The following TAF1A variants were observed in gnomAD, a reference collection of about 807,000 sequenced individuals.
The protein encoded by TAF1A is TATA-box binding protein associated factor, RNA polymerase I subunit A.
Under a neutral mutation model 61.6 loss-of-function variants are expected in TAF1A, and 42 were observed. The observed-to-expected ratio is 0.68, with a 90% CI of 0.53 to 0.88. The LOEUF is 0.88. TAF1A is among the 40% of genes least tolerant of loss of function. The probability of loss-of-function intolerance (pLI) is 0.00; values close to 1 mark genes in which losing one functional copy is unlikely to be tolerated. For missense variants in TAF1A, 424 were observed against 518.7 expected, an observed-to-expected ratio of 0.82 and a Z score of 1.77; for synonymous variants, 179 against 177.7, an observed-to-expected ratio of 1.01 and a Z score of -0.06.
At chr1:222,589,226 C>T (rs1661152988) in intron 1 of TAF1A, among the ~76,000 whole-genome samples, 1 of 152,142 alleles carries the variant, frequency 6.6e-6, no homozygotes, top group South Asian at 2.1e-4. Context: ...GCTCAGGGCC[C>T]CTTCCTCATT....
chr1:222,555,545 G>A (rs557373678), downstream of TAF1A, among the ~76,000 whole-genome samples: 1 of 152,302 alleles, frequency 6.6e-6, no homozygotes, highest in South Asian at 2.1e-4. Context: ...ATGGTTGCCA[G>A]GGGCTGAGGG....
At chr1:222,569,408 G>A in intron 7 of TAF1A, 102 bp downstream of exon 7, 2 of 1,603,542 alleles carry the variant, frequency 1.2e-6, no homozygotes, top group Non-Finnish European at 1.7e-6. Flanking sequence ...GTACATTATT[G>A]AAATTTTCTG....
Position 222,589,826 on chromosome 1 carries a change from A to T in TAF1A, c.-102T>A, listed in dbSNP as rs1661183782. ...GGAAGACGAGTTAGGAGAGCTTTAT[A>T]TGAGCAGGCGCTAAACCTGGTTTAG... On this transcript the variant is annotated 5_prime_UTR_variant, in exon 1 of 11. Coordinates refer to ENST00000352967, the MANE Select transcript of TAF1A (RefSeq NM_005681.4). 2.6e-6 allele frequency: 1 copy of T among 378,052 alleles called. No individual in the cohort carries two copies. The highest frequency in any genetic ancestry group is 4.5e-5 in the Admixed American group (1 of 22,088). 23.4% of individuals were successfully genotyped at this position (378,052 alleles called of 1,614,324 possible).
At chr1:222,581,439 C>T (rs1660786341) in intron 3 of TAF1A, among the ~76,000 whole-genome samples, 1 of 152,110 alleles carries the variant, frequency 6.6e-6, no homozygotes, top group Admixed American at 6.5e-5. Context: ...ATGAGACACT[C>T]ATGTCAAGTT....
intron 3 of TAF1A, among the ~76,000 whole-genome samples, chr1:222,580,976 C>A (rs953208297): frequency 6.6e-6 from 1 of 152,018 alleles, no homozygotes; most frequent in Non-Finnish European, 1.5e-5. Context: ...CACGGTGAAA[C>A]CCCGTCTCTA....
In TAF1A at chr1:222,563,202, C is replaced by G. The variant is rs1428928050; in HGVS notation, c.1056G>C (p.Leu352Phe). ...CTKNITAWKY[L>F]AKYLKNILMG... ...TTAAGATATTTTTCAGATATTTTGC[C>G]AAGTATTTCCAAGCAGTTATATTCT... Residue 352 changes from leucine to phenylalanine, a missense_variant, in exon 9 of 11, where the codon TTG becomes TTC. Physicochemically the swap from Leu to Phe is conservative, Grantham distance 22 (BLOSUM62 0). Transcript: ENST00000352967. 6.2e-7 allele frequency: 1 copy of G among 1,611,850 alleles called. No individual in the cohort carries two copies.
At chr1:222,579,989 A>G in intron 3 of TAF1A, 117 bp from the exon 4 acceptor site, 15 of 1,179,872 alleles carry the variant, frequency 1.3e-5, no homozygotes, top group Non-Finnish European at 1.5e-5. Flanking sequence ...TCCAGAGACC[A>G]CTACCGTCAA....
chr1:222,574,670 A>C (rs1203331312), intron 5 of TAF1A, among the ~76,000 whole-genome samples: 1 of 152,248 alleles, frequency 6.6e-6, no homozygotes, highest in Non-Finnish European at 1.5e-5. Context: ...TTAGAGCTAC[A>C]TCCAATAACA....
intron 2 of TAF1A, among the ~76,000 whole-genome samples, chr1:222,586,918 C>T (rs1269207249): frequency 4.6e-5 from 7 of 152,198 alleles, no homozygotes; most frequent in Admixed American, 3.9e-4. Flanking sequence ...AAAGTATTTT[C>T]GGTTTAACAG....
At chr1:222,569,473 C>T (rs1239962927) in intron 7 of TAF1A, 37 bp downstream of exon 7, 2 of 1,613,298 alleles carry the variant, frequency 1.2e-6, no homozygotes, top group East Asian at 2.2e-5. Flanking sequence ...ATGTAGATTC[C>T]CAACCCTGGT....
intron 4 of TAF1A, among the ~76,000 whole-genome samples, chr1:222,578,825 A>G (rs1250264772): frequency 1.3e-5 from 2 of 152,230 alleles, no homozygotes; most frequent in Non-Finnish European, 2.9e-5. Flanking sequence ...GTAAGCGGCA[A>G]TAAGTGTTTT....
intron 7 of TAF1A, among the ~76,000 whole-genome samples, chr1:222,565,413 T>C (rs1571799625): frequency 6.6e-6 from 1 of 152,372 alleles, no homozygotes; most frequent in Admixed American, 6.5e-5. Context: ...AATACCCTAT[T>C]TTTCAAAAGG....
At chr1:222,559,235 A>G (rs941246482) in intron 10 of TAF1A, among the ~76,000 whole-genome samples, 4 of 152,244 alleles carry the variant, frequency 2.6e-5, no homozygotes, top group African/African-American at 9.6e-5. Context: ...ACAGTAAGAA[A>G]GTTCTCTGTA....
chr1:222,587,544 A>C (rs1661062857), intron 2 of TAF1A, among the ~76,000 whole-genome samples: 1 of 152,234 alleles, frequency 6.6e-6, no homozygotes, highest in African/African-American at 2.4e-5. Context: ...AGTAAGTAAA[A>C]TGCTGGTTCA....
At chr1:222,556,602 T>C (rs907521850), downstream of TAF1A, among the ~76,000 whole-genome samples, 3 of 152,218 alleles carry the variant, frequency 2.0e-5, no homozygotes, top group African/African-American at 7.2e-5. Flanking sequence ...CTATTACTGT[T>C]ATTCATGGAA....
chr1:222,577,341 CATA>C, intron 5 of TAF1A, 101 bp downstream of exon 5: 5 of 868,798 alleles, frequency 5.8e-6, no homozygotes, highest in Non-Finnish European at 8.9e-6. Flanking sequence ...GTCTGTTCTC[CATA>C]ATATCTGGAT....
At chr1:222,562,097 CAT>C (rs1225594850) in intron 9 of TAF1A, among the ~76,000 whole-genome samples, 1 of 152,136 alleles carries the variant, frequency 6.6e-6, no homozygotes, top group Non-Finnish European at 1.5e-5. Context: ...TACATTAAGA[CAT>C]ATGTTAAACT....
chr1:222,587,761 T>C (rs1661075423), intron 2 of TAF1A, among the ~76,000 whole-genome samples: 1 of 152,162 alleles, frequency 6.6e-6, no homozygotes, highest in African/African-American at 2.4e-5. Context: ...GAAAATGCTC[T>C]TTTATCTAGG....
chr1:222,584,374 G>A, intron 2 of TAF1A, 77 bp from the exon 3 acceptor site: 1 of 1,424,276 alleles, frequency 7.0e-7, no homozygotes, highest in Non-Finnish European at 9.3e-7. Flanking sequence ...CTTCTGATAA[G>A]AAGTTTTAAC....
Sources: allele counts gnomAD v4.1 joint callset (sites outside exome capture counted in the v4.1 genomes callset), GRCh38; gene constraint gnomAD v4.1.1; transcripts MANE v1.5; gene names NCBI Gene and HGNC (gene_info 2026-07-23, HGNC 2026-07-21).